LRRK1: variants seen among roughly 807,000 people sequenced by gnomAD.
LRRK1 encodes leucine rich repeat kinase 1.
LRRK1 carries 113 observed loss-of-function variants against 209.1 expected under a neutral mutation model. The observed-to-expected ratio is 0.54, with a 90% CI of 0.46 to 0.63. LRRK1 has a LOEUF of 0.63. Ranked by LOEUF, LRRK1 falls within the 30% of genes least tolerant of loss-of-function variation. LRRK1 has a pLI of 0.00. For synonymous variants in LRRK1, 1,144 were observed against 1,099.7 expected (o/e 1.04, Z -0.80); for missense variants, 2,284 against 2,632.2 (o/e 0.87, Z 2.89).
At chr15:100,931,289 G>A (rs547823915) in intron 2 of LRRK1, among the ~76,000 whole-genome samples, 2 of 152,276 alleles carry the variant, frequency 1.3e-5, no homozygotes, top group Admixed American at 6.5e-5. Context: ...CAGCACCCAG[G>A]GGCCGTGGCA....
At chr15:100,989,911 T>G (rs1448918582) in intron 6 of LRRK1, among the ~76,000 whole-genome samples, 1 of 152,118 alleles carries the variant, frequency 6.6e-6, no homozygotes, top group African/African-American at 2.4e-5. Context: ...ATATATCATA[T>G]TTAACATATT....
chr15:101,017,673 A>G (rs1248294110), intron 12 of LRRK1, among the ~76,000 whole-genome samples: 3 of 152,182 alleles, frequency 2.0e-5, no homozygotes, highest in Non-Finnish European at 4.4e-5. Context: ...GAGGTGGAAC[A>G]GTTTCATCCC....
Position 100,950,854 on chromosome 15 carries a change from A to G in LRRK1, c.98-22950A>G, listed in dbSNP as rs553037491. Reference sequence around the variant, plus strand: ...CGCGGTGGCTCGCGCCTGTCATCCCAGCACTTTGGGAGGCCAAGGCGGGCA... The same window carrying G: ...CGCGGTGGCTCGCGCCTGTCATCCCGGCACTTTGGGAGGCCAAGGCGGGCA... On this transcript the variant is annotated intron_variant, in intron 2 of 33. Coordinates refer to ENST00000388948, the MANE Select transcript of LRRK1 (RefSeq NM_024652.6). 2.0e-5 allele frequency among the ~76,000 whole-genome samples: 3 copies of G among 152,366 alleles called. No homozygotes were observed. In the South Asian group the frequency reaches 6.2e-4, roughly 32 times the overall value.
At position 100,996,043 on chromosome 15, in the gene LRRK1, C is replaced by A. The variant is rs188286738; in HGVS notation, c.762+6645C>A. 1.1e-4 allele frequency among the ~76,000 whole-genome samples: 16 copies of A among 152,350 alleles called. No individual in the cohort carries two copies. The East Asian group carries it at 3.1e-3, about 29-fold the overall frequency. The stretch of plus-strand genomic sequence containing the variant: ...GGTTAAGGCAGGCGTTTTACTGGGG[C>A]CATGCAAGCTGCTGCTGGAGGCAGC... On this transcript the variant is annotated intron_variant, in intron 6 of 33. Transcript: ENST00000388948.
chr15:100,943,831 G>A (rs1057465239), intron 2 of LRRK1, among the ~76,000 whole-genome samples: 2 of 151,692 alleles, frequency 1.3e-5, no homozygotes, highest in African/African-American at 4.8e-5. Flanking sequence ...GCGCCCACCA[G>A]TATGCCCAGC....
chr15:100,921,353 A>G (rs940042231), intron 1 of LRRK1, among the ~76,000 whole-genome samples: 2 of 152,204 alleles, frequency 1.3e-5, no homozygotes, highest in Non-Finnish European at 2.9e-5. Context: ...CAGCTCCAAG[A>G]TATTTGGATG....
intron 12 of LRRK1, among the ~76,000 whole-genome samples, chr15:101,017,481 G>C (rs2033594183): frequency 6.6e-6 from 1 of 152,184 alleles, no homozygotes; most frequent in African/African-American, 2.4e-5. Context: ...ATTGGTCCCT[G>C]GCCTGCTAGG....
At chr15:100,938,357 T>C (rs911512261) in intron 2 of LRRK1, among the ~76,000 whole-genome samples, 1 of 152,214 alleles carries the variant, frequency 6.6e-6, no homozygotes, top group East Asian at 1.9e-4. Flanking sequence ...CTTGGATACA[T>C]GTATACAATG....
chr15:101,054,329 G>A (rs991732942), intron 26 of LRRK1, among the ~76,000 whole-genome samples: 1 of 152,188 alleles, frequency 6.6e-6, no homozygotes, highest in East Asian at 1.9e-4. Context: ...CTTGACCTGA[G>A]GTGAACTCTA....
At chr15:101,044,317 G>A (rs1567259694) in intron 20 of LRRK1, among the ~76,000 whole-genome samples, 3 of 152,214 alleles carry the variant, frequency 2.0e-5, no homozygotes, top group African/African-American at 4.8e-5. Flanking sequence ...GAAGGGCTGC[G>A]GCCCCTGTCT....
rs759338672 is a variant in LRRK1, at chr15:100,973,777, CGT to C, written c.98-17_98-16del. On this transcript the variant is annotated intron_variant, in intron 2 of 33. Coordinates refer to ENST00000388948, the MANE Select transcript of LRRK1 (RefSeq NM_024652.6). ...GCACGCGGGCAGTGGGCGGTGACGCCGTGTGTGTGTGCTTCCTCCCGCGCAGG... is the reference window on the plus strand; with the variant it reads ...GCACGCGGGCAGTGGGCGGTGACGCCGTGTGTGTGCTTCCTCCCGCGCAGG... 18 of 1,267,152 alleles carry C rather than the reference CGT, an allele frequency of 1.4e-5. No individual in the cohort carries two copies. In the South Asian group the frequency reaches 1.7e-4, roughly 12 times the overall value. The allele number at this position is 1,267,152 out of a possible 1,614,324, so 78.5% of individuals were successfully genotyped here. A position where few individuals can be genotyped will look rare whatever the true frequency, so the allele number is the denominator to read the frequency against.
At position 101,073,462 on chromosome 15, in the gene LRRK1, C is replaced by T. The variant is rs564004751; in HGVS notation, c.*4614C>T. On this transcript the variant is annotated 3_prime_UTR_variant, in exon 34 of 34. Transcript: ENST00000388948. Reference sequence around the variant, plus strand: ...TCTCTCCGTGTCTCTACCCCTTCTCCGCCTTTCTGGGGGGCAAGAAACCCC... The same window carrying T: ...TCTCTCCGTGTCTCTACCCCTTCTCTGCCTTTCTGGGGGGCAAGAAACCCC... 5 of 151,296 alleles carry T rather than the reference C, an allele frequency of 3.3e-5. No individual in the cohort carries two copies. The highest frequency in any genetic ancestry group is 2.0e-4 in the Admixed American group (3 of 15,218). 9.4% of individuals were successfully genotyped at this position (151,296 alleles called of 1,614,324 possible).
Position 100,955,915 on chromosome 15 carries a change from C to T in LRRK1, c.98-17889C>T, listed in dbSNP as rs868039105. Among the ~76,000 whole-genome samples, 8 of 152,112 alleles carry T rather than the reference C, an allele frequency of 5.3e-5. No individual in the cohort carries two copies. The South Asian group carries it at 1.7e-3, about 32-fold the overall frequency. On this transcript the variant is annotated intron_variant, in intron 2 of 33. Transcript: ENST00000388948. ...CTGTATCCTCTTGAGGATTTTTGCA[C>T]CTAAGTTCAGCAGGGATATTGGTCT...
intron 9 of LRRK1, among the ~76,000 whole-genome samples, chr15:101,011,296 G>A (rs956366919): frequency 4.0e-5 from 6 of 149,606 alleles, no homozygotes; most frequent in South Asian, 4.2e-4. Flanking sequence ...GTGAAACCCC[G>A]TCTCTACTAA....
intron 12 of LRRK1, among the ~76,000 whole-genome samples, chr15:101,017,773 A>C (rs753259696): frequency 9.2e-5 from 14 of 152,140 alleles, no homozygotes; most frequent in Non-Finnish European, 1.9e-4. Context: ...GGGGACTGTT[A>C]TTATGTAATA....
At chr15:101,040,690 C>T (rs1047808555) in intron 20 of LRRK1, among the ~76,000 whole-genome samples, 1 of 152,198 alleles carries the variant, frequency 6.6e-6, no homozygotes, top group Non-Finnish European at 1.5e-5. Context: ...ATGACAAATA[C>T]AACTAATTTT....
chr15:101,039,206 C>G (rs1340724241), intron 20 of LRRK1, among the ~76,000 whole-genome samples: 1 of 152,188 alleles, frequency 6.6e-6, no homozygotes, highest in Non-Finnish European at 1.5e-5. Context: ...TCAAAGAAAG[C>G]TGACATCTTA....
At chr15:100,933,678 C>T (rs150397751) in intron 2 of LRRK1, among the ~76,000 whole-genome samples, 51 of 151,782 alleles carry the variant, frequency 3.4e-4, no homozygotes, top group South Asian at 2.3e-3. Context: ...AAAAATTAGC[C>T]GGGTATGGTG....
In LRRK1 at chr15:101,075,232, T is replaced by C. The variant is rs1300978790; in HGVS notation, c.*6384T>C. 3 of 31,234 alleles carry C rather than the reference T, an allele frequency of 9.6e-5. No individual in the cohort carries two copies. The highest frequency in any genetic ancestry group is 5.4e-4 in the Admixed American group (2 of 3,678). 1.9% of individuals were successfully genotyped at this position (31,234 alleles called of 1,614,324 possible). The stretch of plus-strand genomic sequence containing the variant: ...ACCTCTTAAAACTCCCCAACTCTGG[T>C]GCCAACTTAGACAATACTCTTTTAA... On this transcript the variant is annotated 3_prime_UTR_variant, in exon 34 of 34. Coordinates refer to ENST00000388948, the MANE Select transcript of LRRK1 (RefSeq NM_024652.6).
Sources: gnomAD v4.1 joint callset for allele counts (sites outside exome capture counted in the v4.1 genomes callset) on GRCh38, gnomAD v4.1.1 for gene constraint, MANE v1.5 for transcripts, NCBI Gene and HGNC (gene_info 2026-07-23, HGNC 2026-07-21) for gene names.